Variants in LRBA observed in about 807,000 individuals in gnomAD.
LRBA encodes lipopolysaccharide-responsive and beige-like anchor protein.
LRBA carries 176 observed loss-of-function variants against 330.0 expected under a neutral mutation model. The observed-to-expected ratio is 0.53, with a 90% CI of 0.47 to 0.60. The LOEUF is 0.60. Ranked by LOEUF, LRBA falls within the 20% of genes least tolerant of loss-of-function variation. LRBA has a pLI of 0.00. For synonymous variants in LRBA, 1,230 were observed against 1,193.0 expected (o/e 1.03, Z -0.64); for missense variants, 3,259 against 3,444.8 (o/e 0.95, Z 1.35).
At chr4:150,838,478 C>T (rs1390534855) in intron 28 of LRBA, among the ~76,000 whole-genome samples, 1 of 152,152 alleles carries the variant, frequency 6.6e-6, no homozygotes, top group Non-Finnish European at 1.5e-5. Flanking sequence ...TTCTTGGAGG[C>T]TTCGTTCATT....
chr4:150,889,061 G>A (rs891666885), intron 17 of LRBA, among the ~76,000 whole-genome samples: 17 of 152,274 alleles, frequency 1.1e-4, no homozygotes, highest in Admixed American at 3.9e-4. Flanking sequence ...CAGTACAAAG[G>A]CAGTCAGCCA....
chr4:150,320,122 C>T (rs1029885868), intron 50 of LRBA, among the ~76,000 whole-genome samples: 4 of 152,140 alleles, frequency 2.6e-5, no homozygotes, highest in African/African-American at 7.2e-5. Flanking sequence ...AACTTTCCTG[C>T]TCTAATGAGA....
chr4:150,720,837 C>T (rs1371507459), intron 36 of LRBA: 1 of 273,082 alleles, frequency 3.7e-6, no homozygotes, highest in African/African-American at 2.3e-5. Context: ...GCAGAAGACA[C>T]AAAAAGCAAA....
In LRBA at chr4:151,002,391, A is replaced by AC. The variant is rs201569637; in HGVS notation, c.216+12035dup. 1.5e-3 allele frequency among the ~76,000 whole-genome samples: 219 copies of AC among 149,256 alleles called. 3 individuals are homozygous for AC. In the East Asian group the frequency reaches 0.016, roughly 11 times the overall value. ...AGACCAGACCGGCCAAAATGATGAA[A>AC]CCCCCCCCACTAAAAATACAAAAAT... On this transcript the variant is annotated intron_variant, in intron 2 of 56. Transcript: ENST00000651943.
intron 36 of LRBA, among the ~76,000 whole-genome samples, chr4:150,692,734 A>C (rs1346551557): frequency 4.6e-5 from 7 of 152,224 alleles, no homozygotes; most frequent in Non-Finnish European, 8.8e-5. Flanking sequence ...AATAGACTCA[A>C]TTCTTTTAAA....
At chr4:150,802,280 C>T (rs1400171286) in intron 33 of LRBA, among the ~76,000 whole-genome samples, 3 of 147,444 alleles carry the variant, frequency 2.0e-5, no homozygotes, top group African/African-American at 7.4e-5. Context: ...ACGACAGAGG[C>T]TAATAAACAA....
At chr4:150,491,507 C>G (rs1289070277) in intron 40 of LRBA, among the ~76,000 whole-genome samples, 2 of 152,030 alleles carry the variant, frequency 1.3e-5, no homozygotes, top group Non-Finnish European at 2.9e-5. Context: ...AAGTTCATAA[C>G]TTTAAAAAAT....
intron 2 of LRBA, among the ~76,000 whole-genome samples, chr4:151,005,317 C>T (rs953276199): frequency 3.3e-5 from 5 of 150,786 alleles, no homozygotes; most frequent in South Asian, 4.2e-4. Context: ...TGGTGGCAGG[C>T]GCCTGTAATC....
intron 47 of LRBA, among the ~76,000 whole-genome samples, chr4:150,388,672 A>C (rs1240029022): frequency 6.6e-6 from 1 of 152,190 alleles, no homozygotes; most frequent in Non-Finnish European, 1.5e-5. Flanking sequence ...GGGAGCATTA[A>C]GTGAGATTAC....
In LRBA at chr4:150,506,187, A is replaced by C. The variant is rs57817909; in HGVS notation, c.6331-15152T>G. On this transcript the variant is annotated intron_variant, in intron 40 of 56. Coordinates refer to ENST00000651943, the MANE Select transcript of LRBA (RefSeq NM_001364905.1). Reference sequence around the variant, plus strand: ...GTATCATTCCTTCTGAAACTATTCCAATCAATAGAAAAAGAGGGAATCCTC... The same window carrying C: ...GTATCATTCCTTCTGAAACTATTCCCATCAATAGAAAAAGAGGGAATCCTC... Among the ~76,000 whole-genome samples, 3 of 152,356 alleles carry C rather than the reference A, an allele frequency of 2.0e-5. No homozygotes were observed. The East Asian group carries it at 5.8e-4, about 29-fold the overall frequency.
chr4:150,315,617 T>C lies in LRBA; in HGVS notation c.7637A>G (p.Gln2546Arg), dbSNP rs769697590. The C allele has an allele frequency of 2.0e-5, 32 of 1,580,670 alleles. No homozygotes were observed. Among genetic ancestry groups the C allele is most frequent in the Admixed American group, 3.9e-5 (2 of 50,686 alleles). The change falls in exon 51 of 57, where the codon CAA becomes CGA. Residue 2546 changes from glutamine to arginine, a missense_variant. Coordinates refer to ENST00000651943, the MANE Select transcript of LRBA (RefSeq NM_001364905.1). ...GTATGGCTGGTCTTGTACAGCACCTTGATGAGCTGGAATTCACAAAAGATA... is the reference window on the plus strand; with the variant it reads ...GTATGGCTGGTCTTGTACAGCACCTCGATGAGCTGGAATTCACAAAAGATA... ...VNKWHNLPAHQGAVQDQPYQL... is the reference protein window; with the variant it reads ...VNKWHNLPAHRGAVQDQPYQL...
At chr4:150,420,377 A>ACACATTATAGTATATATAATG (rs1748522081) in intron 46 of LRBA, among the ~76,000 whole-genome samples, 1 of 124,330 alleles carries the variant, frequency 8.0e-6, no homozygotes, top group African/African-American at 3.5e-5. Flanking sequence ...TATATATAAT[A>ACACATTATAGTATATATAATG]CACATTATAG....
intron 26 of LRBA, among the ~76,000 whole-genome samples, chr4:150,847,374 T>C (rs1398531862): frequency 1.3e-5 from 2 of 152,182 alleles, no homozygotes; most frequent in South Asian, 2.1e-4. Flanking sequence ...TAGCAAGATA[T>C]ACCATTGATT....
intron 40 of LRBA, among the ~76,000 whole-genome samples, chr4:150,513,249 T>C (rs1045327114): frequency 1.3e-5 from 2 of 152,252 alleles, no homozygotes; most frequent in African/African-American, 4.8e-5. Flanking sequence ...TGCCATCTTA[T>C]ATGACACACT....
intron 37 of LRBA, among the ~76,000 whole-genome samples, chr4:150,620,441 A>C (rs1432174295): frequency 6.6e-6 from 1 of 152,190 alleles, no homozygotes; most frequent in Non-Finnish European, 1.5e-5. Context: ...TCAATCAAGC[A>C]ATCACACTAC....
intron 47 of LRBA, among the ~76,000 whole-genome samples, chr4:150,414,596 T>C (rs1581240666): frequency 6.6e-6 from 1 of 152,142 alleles, no homozygotes; most frequent in Non-Finnish European, 1.5e-5. Flanking sequence ...GTTCAAGCGA[T>C]TCTCCTGCCT....
At chr4:150,738,844 C>T (rs1236517622) in intron 35 of LRBA, among the ~76,000 whole-genome samples, 5 of 148,826 alleles carry the variant, frequency 3.4e-5, no homozygotes, top group African/African-American at 1.2e-4. Flanking sequence ...ATACTTAGCT[C>T]AGAAGAAGGA....
At chr4:150,543,019 A>G (rs1267522885) in intron 40 of LRBA, among the ~76,000 whole-genome samples, 1 of 152,200 alleles carries the variant, frequency 6.6e-6, no homozygotes, top group Non-Finnish European at 1.5e-5. Context: ...TAAGTGTCCC[A>G]AAATTCACCA....
chr4:150,686,142 G>A (rs1783609000), intron 36 of LRBA, among the ~76,000 whole-genome samples: 2 of 152,148 alleles, frequency 1.3e-5, no homozygotes, highest in African/African-American at 2.4e-5. Context: ...TGCAAAATTA[G>A]CAGGTTATAT....
Sources: gnomAD v4.1 joint callset for allele counts (sites outside exome capture counted in the v4.1 genomes callset) on GRCh38, gnomAD v4.1.1 for gene constraint, MANE v1.5 for transcripts, NCBI Gene and HGNC (gene_info 2026-07-23, HGNC 2026-07-21) for gene names.